PTGDR2: variants seen among roughly 807,000 people sequenced by gnomAD.
The protein encoded by PTGDR2 is prostaglandin D2 receptor 2.
For synonymous variants in PTGDR2, 276 were observed against 278.4 expected (o/e 0.99, Z 0.09); for missense variants, 544 against 576.6 (o/e 0.94, Z 0.58).
Position 60,853,665 on chromosome 11 carries a change from G to C in PTGDR2, c.58C>G (p.Leu20Val). 6.4e-7 allele frequency: 1 copy of C among 1,558,796 alleles called. No individual in the cohort carries two copies. Among genetic ancestry groups the C allele is most frequent in the East Asian group, 2.4e-5 (1 of 41,722 alleles). ...ATGCTGGTGTTGCTGTGGCTCTGGAGACGGCTCATCTGCTCCAGGATGGGG... is the reference window on the plus strand; with the variant it reads ...ATGCTGGTGTTGCTGTGGCTCTGGACACGGCTCATCTGCTCCAGGATGGGG... ...LCPILEQMSR[L>V]QSHSNTSIRY... Residue 20 changes from leucine (L) to valine (V), a missense_variant, in exon 2 of 2, where the codon CTC becomes GTC. Leu to Val is a conservative substitution (Grantham distance 32). Transcript: ENST00000332539.
upstream of PTGDR2, chr11:60,855,950 CAG>C (rs1160318141): frequency 6.6e-6 from 1 of 152,280 alleles, no homozygotes; most frequent in African/African-American, 2.4e-5. Context: ...AGCGGGCAGA[CAG>C]AGGTGGGAGA....
chr11:60,853,742 G>A lies in PTGDR2; in HGVS notation c.-9-11C>T. On this transcript the variant is annotated splice_polypyrimidine_tract_variant and intron_variant, in intron 1 of 1. Coordinates refer to ENST00000332539, the MANE Select transcript of PTGDR2 (RefSeq NM_004778.3). ...CGACATCGTGGGGCTCTGCAGTGGA[G>A]GGAAGGAGGCGCCTAAGTTGGAAGT... 1.3e-6 allele frequency: 2 copies of A among 1,515,998 alleles called. No homozygotes were observed. Among genetic ancestry groups the A allele is most frequent in the South Asian group, 2.4e-5 (2 of 82,020 alleles). The allele number at this position is 1,515,998 out of a possible 1,614,324, so 93.9% of individuals were successfully genotyped here. A position where few individuals can be genotyped will look rare whatever the true frequency, so the allele number is the denominator to read the frequency against.
At position 60,852,518 on chromosome 11, in the gene PTGDR2, C is replaced by G; in HGVS notation, c.*17G>C. ...TGATACTTTCGCGTGTGAGTGCCGC[C>G]CTACGTGGGCCGGGTTCTAACTCGA... On this transcript the variant is annotated 3_prime_UTR_variant, in exon 2 of 2. Coordinates refer to ENST00000332539, the MANE Select transcript of PTGDR2 (RefSeq NM_004778.3). The G allele has an allele frequency of 7.9e-7, 1 of 1,257,906 alleles. No individual in the cohort carries two copies. Among genetic ancestry groups the G allele is most frequent in the African/African-American group, 1.5e-5 (1 of 64,616 alleles). The allele number at this position is 1,257,906 out of a possible 1,614,324, so 77.9% of individuals were successfully genotyped here.
rs901904459 is a variant in PTGDR2 at position 60,853,322 on chromosome 11, A to G, written c.401T>C (p.Val134Ala). The G allele has an allele frequency of 6.2e-7, 1 of 1,610,746 alleles. No homozygotes were observed. The highest frequency in any genetic ancestry group is 1.3e-5 in the African/African-American group (1 of 74,930). ...AISLDRCLQVVRPVWAQNHRT... is the reference protein window; with the variant it reads ...AISLDRCLQVARPVWAQNHRT... Reference sequence around the variant, plus strand: ...GTGGTTCTGCGCCCACACCGGCCGCACCACCTGCAGGCAGCGGTCCAGGCT... The same window carrying G: ...GTGGTTCTGCGCCCACACCGGCCGCGCCACCTGCAGGCAGCGGTCCAGGCT... Residue 134 changes from valine to alanine, a missense_variant, in exon 2 of 2, where the codon GTG becomes GCG. Coordinates refer to ENST00000332539, the MANE Select transcript of PTGDR2 (RefSeq NM_004778.3).
At position 60,853,331 on chromosome 11, in the gene PTGDR2, A is replaced by T; in HGVS notation, c.392T>A (p.Leu131Gln). The T allele has an allele frequency of 6.2e-7, 1 of 1,610,284 alleles. No homozygotes were observed. ...LLSAISLDRC[L>Q]QVVRPVWAQN... ...CGCCCACACCGGCCGCACCACCTGC[A>T]GGCAGCGGTCCAGGCTGATGGCGCT... The change falls in exon 2 of 2, where the codon CTG (leucine) becomes CAG (glutamine). Residue 131 changes from leucine to glutamine, a missense_variant. Physicochemically the swap from Leu to Gln is moderately radical, Grantham distance 113 (BLOSUM62 -2). Transcript: ENST00000332539.
intron 1 of PTGDR2, 57 bp from the exon 2 acceptor site, chr11:60,853,788 AAGAG>A (rs1312485135): frequency 7.2e-7 from 1 of 1,381,512 alleles, no homozygotes; most frequent in East Asian, 2.5e-5. Flanking sequence ...CCGGGGAACC[AAGAG>A]AGAGGCCCGG....
intron 1 of PTGDR2, among the ~76,000 whole-genome samples, chr11:60,853,938 C>T (rs1855322405): frequency 6.6e-6 from 1 of 152,216 alleles, no homozygotes; most frequent in African/African-American, 2.4e-5. Context: ...GCCTCTGAAA[C>T]TTGGATGTCA....
In PTGDR2 at chr11:60,852,620, C is replaced by T. The variant is rs1396056866; in HGVS notation, c.1103G>A (p.Arg368His). The T allele has an allele frequency of 2.3e-6, 3 of 1,317,110 alleles. No individual in the cohort carries two copies. Among genetic ancestry groups the T allele is most frequent in the Non-Finnish European group, 2.9e-6 (3 of 1,032,078 alleles). 81.6% of individuals were successfully genotyped at this position (1,317,110 alleles called of 1,614,324 possible). ...GCTGCCCAGCAGCCAGCCGAGGAGA[C>T]GCGCGGGGCCCCGCGGTTCCTCCGG... Reference protein sequence around the residue: ...SRPEEPRGPARLLGWLLGSCA... With the variant: ...SRPEEPRGPAHLLGWLLGSCA... The change falls in exon 2 of 2, where the codon CGT becomes CAT. Residue 368 changes from arginine (R) to histidine (H), a missense_variant. Transcript: ENST00000332539.
rs767777935 is a variant in PTGDR2, at chr11:60,853,156, C to G, written c.567G>C (p.Leu189=). 42 of 1,608,964 alleles carry G rather than the reference C, an allele frequency of 2.6e-5. No homozygotes were observed. The highest frequency in any genetic ancestry group is 3.6e-5 in the Non-Finnish European group (42 of 1,179,816). The change falls in exon 2 of 2, where the codon CTG becomes CTC. Residue 189 remains leucine (L), a synonymous_variant. Coordinates refer to ENST00000332539, the MANE Select transcript of PTGDR2 (RefSeq NM_004778.3). ...TGGCATCGCGGTCAGGCCCCGGGTT[C>G]AGGAGCAGCACATTGTAGTAGCACA... ...RIMCYYNVLL[L]NPGPDRDATC...
rs1284935692 is a variant in PTGDR2 at position 60,853,086 on chromosome 11, G to A, written c.637C>T (p.Leu213=). The change falls in exon 2 of 2, where the codon CTG becomes TTG. Residue 213 remains leucine, a synonymous_variant. Transcript: ENST00000332539. The part of the protein sequence containing the change: ...QVALAVSKFL[L]AFLVPLAIIA... ...ATCGCCAGCGGCACCAGGAAGGCCAGCAGGAACTTGCTGACGGCCAGGGCC... is the reference window on the plus strand; with the variant it reads ...ATCGCCAGCGGCACCAGGAAGGCCAACAGGAACTTGCTGACGGCCAGGGCC... The A allele has an allele frequency of 5.6e-6, 9 of 1,598,028 alleles. No homozygotes were observed. The highest frequency in any genetic ancestry group is 7.6e-6 in the Non-Finnish European group (9 of 1,176,570).
chr11:60,852,757 C>A lies in PTGDR2; in HGVS notation c.966G>T (p.Val322=), dbSNP rs1426857136. ...TGTCGTCCACCAGCACGCTCTCCAG[C>A]ACCGTGCGCAGCGAGCGCCGCAGCT... is the stretch of plus-strand genomic sequence containing the variant. ...LRKLRRSLRT[V]LESVLVDDSE... The change falls in exon 2 of 2, where the codon GTG becomes GTT. Residue 322 remains valine, a synonymous_variant. Coordinates refer to ENST00000332539, the MANE Select transcript of PTGDR2 (RefSeq NM_004778.3). 1.3e-6 allele frequency: 2 copies of A among 1,537,350 alleles called. No homozygotes were observed. Among genetic ancestry groups the A allele is most frequent in the South Asian group, 1.2e-5 (1 of 82,232 alleles).
Position 60,853,456 on chromosome 11 carries a change from G to A in PTGDR2, c.267C>T (p.Tyr89=), listed in dbSNP as rs1172147514. The part of the protein sequence containing the change: ...LASASLPFFT[Y]FLAVGHSWEL... ...CCCACGAGTGGCCCACGGCCAAGAA[G>A]TAGGTGAAGAAGGGCAGGGAAGCAG... The change falls in exon 2 of 2, where the codon TAC becomes TAT. Residue 89 remains tyrosine, a synonymous_variant. Transcript: ENST00000332539. 1 of 1,568,948 alleles carries A rather than the reference G, an allele frequency of 6.4e-7. No homozygotes were observed. The highest frequency in any genetic ancestry group is 1.4e-5 in the African/African-American group (1 of 73,982).
At position 60,851,248 on chromosome 11, in the gene PTGDR2, G is replaced by GC. The variant is rs1274461912; in HGVS notation, c.*1286dup. 1 of 152,208 alleles carries GC rather than the reference G, an allele frequency of 6.6e-6. No individual in the cohort carries two copies. Among genetic ancestry groups the GC allele is most frequent in the Non-Finnish European group, 1.5e-5 (1 of 68,054 alleles). 9.4% of individuals were successfully genotyped at this position (152,208 alleles called of 1,614,324 possible). On this transcript the variant is annotated 3_prime_UTR_variant, in exon 2 of 2. Coordinates refer to ENST00000332539, the MANE Select transcript of PTGDR2 (RefSeq NM_004778.3). ...CCTTCAGTGACCCTGGCCTTTGGTG[G>GC]CAGAAAAAACACAGGACCAAGATCT...
In PTGDR2 at chr11:60,852,931, C is replaced by T; in HGVS notation, c.792G>A (p.Val264=). 6.7e-7 allele frequency: 1 copy of T among 1,501,236 alleles called. No homozygotes were observed. Among genetic ancestry groups the T allele is most frequent in the South Asian group, 1.3e-5 (1 of 79,472 alleles). The allele number at this position is 1,501,236 out of a possible 1,614,324, so 93.0% of individuals were successfully genotyped here. The change falls in exon 2 of 2, where the codon GTG becomes GTA. Residue 264 remains valine (V), a synonymous_variant. Transcript: ENST00000332539. ...GCGCCCGCGCCTCCAGCAGGCTGAACACGTGGTAGGGCCCCCAGCAGAGCG... is the reference window on the plus strand; with the variant it reads ...GCGCCCGCGCCTCCAGCAGGCTGAATACGTGGTAGGGCCCCCAGCAGAGCG... ...AFALCWGPYH[V]FSLLEARAHA... is the part of the protein sequence containing the mutation.
Position 60,853,274 on chromosome 11 carries a change from TTG to T in PTGDR2, c.447_448del (p.His149GlnfsTer45), listed in dbSNP as rs1565098312. On this transcript the variant is annotated frameshift_variant, in exon 2 of 2. Transcript: ENST00000332539. LOFTEE classifies it low-confidence loss of function (END_TRUNC). ...TAGTGCCCAAAGCACCAGGCAGACT[TTG>T]TGCGCCGCGGCCACGGTGCGGTGGT... is the stretch of plus-strand genomic sequence containing the variant. 6.2e-7 allele frequency: 1 copy of T among 1,611,664 alleles called. No homozygotes were observed. Among genetic ancestry groups the T allele is most frequent in the East Asian group, 2.2e-5 (1 of 44,764 alleles).
chr11:60,853,079 A>G lies in PTGDR2; in HGVS notation c.644T>C (p.Phe215Ser). ...GGCGATGATCGCCAGCGGCACCAGG[A>G]AGGCCAGCAGGAACTTGCTGACGGC... ...ALAVSKFLLA[F>S]LVPLAIIASS... The change falls in exon 2 of 2, where the codon TTC becomes TCC. Residue 215 changes from phenylalanine (F) to serine (S), a missense_variant. Transcript: ENST00000332539. 2 of 1,595,198 alleles carry G rather than the reference A, an allele frequency of 1.3e-6. No homozygotes were observed. The highest frequency in any genetic ancestry group is 8.5e-7 in the Non-Finnish European group (1 of 1,175,354).
chr11:60,853,798 C>T, intron 1 of PTGDR2, 67 bp from the exon 2 acceptor site: 1 of 1,307,870 alleles, frequency 7.6e-7, no homozygotes, highest in Non-Finnish European at 1.0e-6. Context: ...AAGAGAGAGG[C>T]CCGGAGTGGG....
Position 60,852,023 on chromosome 11 carries a change from C to G in PTGDR2, c.*512G>C, listed in dbSNP as rs7944515. On this transcript the variant is annotated 3_prime_UTR_variant, in exon 2 of 2. Transcript: ENST00000332539. ...GCTAAATGAAGAGGGCAGGCTGGAA[C>G]AGTGCTTCTCAAACCTTTCCTCTCT... 1 of 153,572 alleles carries G rather than the reference C, an allele frequency of 6.5e-6. No homozygotes were observed. The highest frequency in any genetic ancestry group is 1.4e-5 in the Non-Finnish European group (1 of 69,022). The allele number at this position is 153,572 out of a possible 1,614,324, so 9.5% of individuals were successfully genotyped here. A position where few individuals can be genotyped will look rare whatever the true frequency, so the allele number is the denominator to read the frequency against.
Position 60,852,294 on chromosome 11 carries a change from G to T in PTGDR2, c.*241C>A, listed in dbSNP as rs1309634346. The T allele has an allele frequency of 7.6e-6, 3 of 396,274 alleles. No individual in the cohort carries two copies. The highest frequency in any genetic ancestry group is 8.9e-5 in the Admixed American group (2 of 22,358). The allele number at this position is 396,274 out of a possible 1,614,324, so 24.5% of individuals were successfully genotyped here. ...CTCAGTACCCGGCCCCGGCCTCCTG[G>T]ATCAGACTGCACTTAACAAGACCCC... On this transcript the variant is annotated 3_prime_UTR_variant, in exon 2 of 2. Transcript: ENST00000332539.
Sources: gnomAD v4.1 joint callset for allele counts (sites outside exome capture counted in the v4.1 genomes callset) on GRCh38, gnomAD v4.1.1 for gene constraint, MANE v1.5 for transcripts, NCBI Gene and HGNC (gene_info 2026-07-23, HGNC 2026-07-21) for gene names.